The following THOC1 variants were observed in gnomAD, a reference collection of about 807,000 sequenced individuals.
THOC1 encodes THO complex subunit 1.
THOC1 carries 29 observed loss-of-function variants against 97.3 expected under a neutral mutation model. The ratio of observed to expected loss-of-function variants is 0.30; its 90% confidence interval spans 0.22 to 0.41. THOC1 has a LOEUF of 0.41. Ranked by LOEUF, THOC1 falls within the 10% of genes least tolerant of loss-of-function variation. THOC1 has a pLI of 1.00. For missense variants in THOC1, 529 were observed against 761.9 expected, an observed-to-expected ratio of 0.69 and a Z score of 3.60; for synonymous variants, 255 against 257.0, an observed-to-expected ratio of 0.99 and a Z score of 0.07.
At chr18:220,242 C>T (rs950282939) in intron 17 of THOC1, among the ~76,000 whole-genome samples, 2 of 152,192 alleles carry the variant, frequency 1.3e-5, no homozygotes, top group Admixed American at 6.5e-5. Flanking sequence ...GGCCTTCAAA[C>T]TTCCACTGCA....
At position 254,801 on chromosome 18, in the gene THOC1, T is replaced by C. The variant is rs1045404400; in HGVS notation, c.521-446A>G. 1.3e-5 allele frequency among the ~76,000 whole-genome samples: 2 copies of C among 152,024 alleles called. No individual in the cohort carries two copies. On this transcript the variant is annotated intron_variant, in intron 7 of 20. Coordinates refer to ENST00000261600, the MANE Select transcript of THOC1 (RefSeq NM_005131.3). This position sits in a 1 kb window ranked among gnomAD's most constrained non-coding sequence, Gnocchi z 4.1. ...TGCCACAAACTGTGCCCATCTAAGA[T>C]CTAAGACAGTAAACTATTTTTTTTT...
chr18:247,167 C>T (rs1354815431), intron 10 of THOC1, among the ~76,000 whole-genome samples: 1 of 152,050 alleles, frequency 6.6e-6, no homozygotes, highest in Non-Finnish European at 1.5e-5. Context: ...GTGCTGCCCC[C>T]ACAAAAAATT....
intron 9 of THOC1, among the ~76,000 whole-genome samples, chr18:249,656 C>T (rs1477829910): frequency 1.4e-5 from 2 of 138,906 alleles, no homozygotes; most frequent in African/African-American, 2.7e-5. Context: ...AGCGAGACTC[C>T]GTCTCAAAAA....
chr18:228,593 A>G (rs1451939686), intron 11 of THOC1, among the ~76,000 whole-genome samples: 1 of 152,248 alleles, frequency 6.6e-6, no homozygotes, highest in African/African-American at 2.4e-5. Flanking sequence ...CCTATAGGCT[A>G]TAGTCTGCCA....
At chr18:259,840 A>C in intron 5 of THOC1, 110 bp from the exon 6 acceptor site, 2 of 691,290 alleles carry the variant, frequency 2.9e-6, no homozygotes, top group Non-Finnish European at 4.6e-6. Flanking sequence ...CTGAGAATCT[A>C]CTATGCCACT....
chr18:264,166 T>C, intron 3 of THOC1, 74 bp from the exon 4 acceptor site: 1 of 890,126 alleles, frequency 1.1e-6, no homozygotes, highest in Non-Finnish European at 1.8e-6. Context: ...TAAAAACATG[T>C]ACTCTGATAT....
chr18:241,665 C>T (rs1407845885), intron 11 of THOC1, among the ~76,000 whole-genome samples: 1 of 152,202 alleles, frequency 6.6e-6, no homozygotes. Flanking sequence ...TGTTATTATA[C>T]TCTTTTCTGT....
At chr18:241,332 A>G (rs1211579176) in intron 11 of THOC1, among the ~76,000 whole-genome samples, 1 of 152,208 alleles carries the variant, frequency 6.6e-6, no homozygotes, top group Non-Finnish European at 1.5e-5. Context: ...TAAAAAGTAC[A>G]AAACATTTAA....
chr18:225,898 T>C (rs1335257531), intron 12 of THOC1: 1 of 153,816 alleles, frequency 6.5e-6, no homozygotes, highest in East Asian at 1.9e-4. Flanking sequence ...ATCCAATAAA[T>C]ATTGATGGCT....
At chr18:217,528 C>A (rs779107860) in intron 18 of THOC1, among the ~76,000 whole-genome samples, 30 of 152,192 alleles carry the variant, frequency 2.0e-4, no homozygotes, top group Non-Finnish European at 4.0e-4. Context: ...TTTCAATCGA[C>A]AAACACTTTT....
chr18:234,773 T>TAAC (rs10691252), intron 11 of THOC1, among the ~76,000 whole-genome samples: 95,282 of 151,702 alleles, frequency 0.63, 30,085 homozygotes, highest in South Asian at 0.76. Context: ...TTTAAAAAAA[T>TAAC]TACTTAATTT....
At chr18:265,629 A>G in intron 1 of THOC1, 99 bp from the exon 2 acceptor site, 1 of 960,792 alleles carries the variant, frequency 1.0e-6, no homozygotes. Flanking sequence ...TAACTAAAAA[A>G]TGCTTATACC....
chr18:219,806 T>C (rs1911015635), intron 17 of THOC1, among the ~76,000 whole-genome samples: 2 of 152,200 alleles, frequency 1.3e-5, no homozygotes, highest in Admixed American at 1.3e-4. Flanking sequence ...ATCCACGAAT[T>C]ATTTTTTCTT....
chr18:246,485 A>T (rs1666236845), intron 10 of THOC1, 30 bp from the exon 11 acceptor site: 19 of 1,552,344 alleles, frequency 1.2e-5, no homozygotes, highest in Non-Finnish European at 1.6e-5. Flanking sequence ...GTTTTATTCG[A>T]CATTGTTACC....
chr18:226,735 T>C (rs930691152), intron 12 of THOC1, 66 bp downstream of exon 12: 108 of 1,219,284 alleles, frequency 8.9e-5, no homozygotes, highest in Middle Eastern at 1.9e-4. Context: ...ATAAGAAAAA[T>C]CGTAAGCAAG....
intron 15 of THOC1, 91 bp downstream of exon 15, chr18:224,833 T>C: frequency 9.9e-7 from 1 of 1,009,236 alleles, no homozygotes; most frequent in Non-Finnish European, 1.5e-6. Context: ...TATTTTTACA[T>C]GCTATAATCA....
intron 11 of THOC1, among the ~76,000 whole-genome samples, chr18:238,228 T>C (rs944141881): frequency 2.0e-5 from 3 of 152,166 alleles, no homozygotes; most frequent in Admixed American, 1.3e-4. Context: ...AAATGAAAAA[T>C]CTAATTTTAG....
At position 268,018 on chromosome 18, in the gene THOC1, ATCT is replaced by A. The variant is rs1190358404; in HGVS notation, c.-2_1del. The A allele has an allele frequency of 4.4e-6, 7 of 1,599,168 alleles. No individual in the cohort carries two copies. The highest frequency in any genetic ancestry group is 6.0e-6 in the Non-Finnish European group (7 of 1,172,868). ...ACTGAAGAGCGGCGGCGTCGGAGACATCTTCTCGGCTGCGCGTGCCCGCCACTG... is the reference window on the plus strand; with the variant it reads ...ACTGAAGAGCGGCGGCGTCGGAGACATCTCGGCTGCGCGTGCCCGCCACTG... On this transcript the variant is annotated start_lost and start_retained_variant and 5_prime_UTR_variant, in exon 1 of 21. Coordinates refer to ENST00000261600, the MANE Select transcript of THOC1 (RefSeq NM_005131.3).
At chr18:246,793 A>G (rs1225035265) in intron 10 of THOC1, among the ~76,000 whole-genome samples, 1 of 151,856 alleles carries the variant, frequency 6.6e-6, no homozygotes, top group East Asian at 1.9e-4. Flanking sequence ...CCTGGCCAAC[A>G]TGGTGAAACC....
Sources: allele counts gnomAD v4.1 joint callset (sites outside exome capture counted in the v4.1 genomes callset), GRCh38; gene constraint gnomAD v4.1.1; non-coding constraint Gnocchi (gnomAD v3.1); transcripts MANE v1.5; gene names NCBI Gene and HGNC (gene_info 2026-07-23, HGNC 2026-07-21).